Variants in CPS1 observed in about 807,000 individuals in gnomAD.
CPS1 encodes carbamoyl-phosphate synthase [ammonia], mitochondrial.
A neutral mutation model predicts 174.6 loss-of-function variants in CPS1; 109 were observed. That is an observed-to-expected ratio of 0.62 (90% CI 0.53 to 0.73). The LOEUF (loss-of-function observed/expected upper bound fraction) is 0.73. CPS1 is among the 30% of genes least tolerant of loss of function. CPS1 has a pLI of 0.00. For synonymous variants in CPS1, 637 were observed against 632.0 expected, an observed-to-expected ratio of 1.01 and a Z score of -0.12; for missense variants, 1,689 against 1,821.9, an observed-to-expected ratio of 0.93 and a Z score of 1.33.
chr2:210,605,877 G>T (rs540753242), intron 17 of CPS1, among the ~76,000 whole-genome samples: 1 of 151,994 alleles, frequency 6.6e-6, no homozygotes, highest in East Asian at 2.0e-4. Flanking sequence ...AGAGAATAGG[G>T]TTGAACTTTG....
chr2:210,502,528 C>G (rs867260230), intron 1 of CPS1, among the ~76,000 whole-genome samples: 7 of 148,930 alleles, frequency 4.7e-5, no homozygotes, highest in African/African-American at 1.7e-4. Context: ...TATATACACA[C>G]ATATATACAT....
intron 21 of CPS1, among the ~76,000 whole-genome samples, chr2:210,637,132 G>T (rs1448916705): frequency 6.6e-6 from 1 of 152,120 alleles, no homozygotes; most frequent in Non-Finnish European, 1.5e-5. Flanking sequence ...CATGCTACTT[G>T]CACCCATGAC....
At chr2:210,502,369 A>C (rs13396294) in intron 1 of CPS1, among the ~76,000 whole-genome samples, 118,905 of 146,288 alleles carry the variant, frequency 0.81, 48,903 homozygotes, top group Non-Finnish European at 0.89. Flanking sequence ...CTCTCTCTCT[A>C]TATATATATA....
chr2:210,487,718 T>C (rs144481305), intron 1 of CPS1, among the ~76,000 whole-genome samples: 1 of 152,108 alleles, frequency 6.6e-6, no homozygotes, highest in Non-Finnish European at 1.5e-5. Flanking sequence ...ATCTGATTCT[T>C]ATTTTTTAGA....
chr2:210,545,054 A>C (rs1696525305), intron 1 of CPS1, among the ~76,000 whole-genome samples: 1 of 152,100 alleles, frequency 6.6e-6, no homozygotes, highest in Non-Finnish European at 1.5e-5. Context: ...GTCTGGAAGA[A>C]ACACGGAGCC....
chr2:210,576,255 C>T lies in CPS1; in HGVS notation c.237-91C>T, dbSNP rs116031642. 4.1e-3 allele frequency: 5,640 copies of T among 1,361,176 alleles called. 180 individuals carry two copies. The African/African-American group carries it at 0.07, about 17-fold the overall frequency. The allele number at this position is 1,361,176 out of a possible 1,614,324, so 84.3% of individuals were successfully genotyped here. A position where few individuals can be genotyped will look rare whatever the true frequency, so the allele number is the denominator to read the frequency against. On this transcript the variant is annotated intron_variant, in intron 2 of 37. Coordinates refer to ENST00000233072, the MANE Select transcript of CPS1 (RefSeq NM_001875.5). ...ATTCTTGTTGGATTCTTCTCATTTT[C>T]AAGGGTTAAATAATTCAGAGCATGT... is the stretch of plus-strand genomic sequence containing the variant.
In CPS1 at chr2:210,503,162, C is replaced by A. The variant is rs192604728; in HGVS notation, c.3+25396C>A. 1.8e-4 allele frequency among the ~76,000 whole-genome samples: 27 copies of A among 152,254 alleles called. No individual in the cohort carries two copies. The East Asian group carries it at 4.8e-3, about 27-fold the overall frequency. On this transcript the variant is annotated intron_variant, in intron 1 of 38. Transcript: ENST00000430249. ...GAAGCTCTAGAGATTCCACTGGTAA[C>A]CTCTTCAAGGTTATGTCACATGCTG...
intron 6 of CPS1, among the ~76,000 whole-genome samples, chr2:210,585,976 A>G (rs2106099672): frequency 6.6e-6 from 1 of 151,728 alleles, no homozygotes; most frequent in South Asian, 2.1e-4. Flanking sequence ...TACAGCACCA[A>G]TCAGAAGGCG....
chr2:210,567,315 T>C (rs552718135), intron 1 of CPS1, among the ~76,000 whole-genome samples: 1 of 152,284 alleles, frequency 6.6e-6, no homozygotes, highest in South Asian at 2.1e-4. Context: ...ACCAGGATTA[T>C]ACATAGATCT....
chr2:210,596,019 G>A (rs1476026902), intron 13 of CPS1, among the ~76,000 whole-genome samples: 1 of 151,902 alleles, frequency 6.6e-6, no homozygotes, highest in African/African-American at 2.4e-5. Context: ...AGTTGGAGAA[G>A]CAAGGGCAAC....
At chr2:210,576,758 A>G (rs930323601) in intron 3 of CPS1, among the ~76,000 whole-genome samples, 3 of 152,166 alleles carry the variant, frequency 2.0e-5, no homozygotes, top group Non-Finnish European at 2.9e-5. Flanking sequence ...AATAACAACT[A>G]TGCTATAAAA....
At chr2:210,621,139 G>A (rs985861805) in intron 21 of CPS1, among the ~76,000 whole-genome samples, 3 of 152,086 alleles carry the variant, frequency 2.0e-5, no homozygotes, top group Non-Finnish European at 2.9e-5. Flanking sequence ...GGGCATGGTA[G>A]GGAAGCTGAC....
At chr2:210,582,594 G>C (rs1414374958) in intron 5 of CPS1, 23 bp from the exon 6 acceptor site, 3 of 1,580,544 alleles carry the variant, frequency 1.9e-6, no homozygotes, top group Non-Finnish European at 8.7e-7. Context: ...CCTTTTAACT[G>C]TCTAATTTTT....
chr2:210,592,780 GT>G, intron 10 of CPS1, 98 bp from the exon 11 acceptor site: 5 of 1,214,014 alleles, frequency 4.1e-6, no homozygotes, highest in Non-Finnish European at 6.1e-6. Flanking sequence ...ATCTAACTCA[GT>G]TTTTAAATTT....
chr2:210,578,674 T>C (rs1179061107), intron 4 of CPS1, among the ~76,000 whole-genome samples: 1 of 152,178 alleles, frequency 6.6e-6, no homozygotes, highest in Non-Finnish European at 1.5e-5. Context: ...GATCTCATTC[T>C]TTCTAAATTT....
At position 210,656,598 on chromosome 2, in the gene CPS1, C is replaced by T; in HGVS notation, c.3632C>T (p.Pro1211Leu). The T allele has an allele frequency of 2.5e-6, 4 of 1,612,746 alleles. No individual in the cohort carries two copies. The highest frequency in any genetic ancestry group is 3.4e-6 in the Non-Finnish European group (4 of 1,179,676). ...VHSGDATLML[P>L]TQTISQGAIE... ...TCGGGAGATGCCACTCTGATGCTGC[C>T]CACACAAACCATCAGCCAAGGGGCC... The change falls in exon 30 of 38, where the codon CCC becomes CTC. Residue 1211 changes from proline (P) to leucine (L), a missense_variant. Transcript: ENST00000233072.
At chr2:210,490,513 C>T (rs1304918965) in intron 1 of CPS1, among the ~76,000 whole-genome samples, 1 of 152,156 alleles carries the variant, frequency 6.6e-6, no homozygotes. Flanking sequence ...CTGAATTTAT[C>T]CTTGAGCTCC....
At chr2:210,547,205 T>A (rs534926303) in intron 1 of CPS1, among the ~76,000 whole-genome samples, 1 of 152,252 alleles carries the variant, frequency 6.6e-6, no homozygotes, top group African/African-American at 2.4e-5. Flanking sequence ...TGCTATTTTA[T>A]TTTTTTGGTC....
intron 28 of CPS1, among the ~76,000 whole-genome samples, chr2:210,653,750 C>T (rs572590702): frequency 6.6e-6 from 1 of 152,310 alleles, no homozygotes; most frequent in African/African-American, 2.4e-5. Context: ...CCTCTTTTCT[C>T]TAATTGACCT....
Sources: allele counts gnomAD v4.1 joint callset (sites outside exome capture counted in the v4.1 genomes callset), GRCh38; gene constraint gnomAD v4.1.1; transcripts MANE v1.5; gene names NCBI Gene and HGNC (gene_info 2026-07-23, HGNC 2026-07-21).